POC5: variants seen among roughly 807,000 people sequenced by gnomAD.
POC5 encodes POC5 centriolar protein, also known as centrosomal protein POC5.
In POC5, 48 loss-of-function variants were observed where a neutral mutation model predicts 62.9. The observed-to-expected ratio is 0.76, with a 90% confidence interval of 0.61 to 0.97. The LOEUF is 0.97. Ranked by LOEUF, POC5 falls within the 50% of genes least tolerant of loss-of-function variation. The pLI is 0.00. For synonymous variants in POC5, 236 were observed against 228.2 expected, an observed-to-expected ratio of 1.03 and a Z score of -0.31; for missense variants, 696 against 679.5, an observed-to-expected ratio of 1.02 and a Z score of -0.27.
chr5:75,703,300 C>A (rs1011877602), intron 4 of POC5, among the ~76,000 whole-genome samples: 20 of 152,166 alleles, frequency 1.3e-4, no homozygotes, highest in Non-Finnish European at 2.6e-4. Context: ...GTCAATATTA[C>A]TCTGTAAGTT....
chr5:75,691,015 A>C (rs1324102582), intron 7 of POC5, among the ~76,000 whole-genome samples: 1 of 152,204 alleles, frequency 6.6e-6, no homozygotes, highest in Non-Finnish European at 1.5e-5. Flanking sequence ...GCAAGATTTA[A>C]TTTATAAACC....
chr5:75,689,230 T>C, intron 8 of POC5, 65 bp from the exon 9 acceptor site: 7 of 1,449,542 alleles, frequency 4.8e-6, no homozygotes, highest in African/African-American at 1.4e-5. Context: ...GTCAAAAAAA[T>C]AGATATATAC....
At chr5:75,696,734 G>A (rs1776612295) in intron 5 of POC5, among the ~76,000 whole-genome samples, 1 of 152,092 alleles carries the variant, frequency 6.6e-6, no homozygotes, top group Admixed American at 6.5e-5. Flanking sequence ...AGCTGAGAAG[G>A]CTTCAGACGA....
Position 75,694,847 on chromosome 5 carries a change from A to G in POC5, c.514-16T>C, listed in dbSNP as rs779352995. The G allele has an allele frequency of 6.8e-7, 1 of 1,474,756 alleles. No homozygotes were observed. Among genetic ancestry groups the G allele is most frequent in the Admixed American group, 2.1e-5 (1 of 47,708 alleles). 91.4% of individuals were successfully genotyped at this position (1,474,756 alleles called of 1,614,324 possible). A position where few individuals can be genotyped will look rare whatever the true frequency, so the allele number is the denominator to read the frequency against. ...TGATGTTTGTCTGAAAAATTAATAT[A>G]GTGACAATTAAGTAGTTTGTTCGTT... On this transcript the variant is annotated splice_polypyrimidine_tract_variant and intron_variant, in intron 5 of 11. Transcript: ENST00000428202.
At position 75,705,809 on chromosome 5, in the gene POC5, AAAATT is replaced by A. The variant is rs1187702894; in HGVS notation, c.224-27_224-23del. On this transcript the variant is annotated intron_variant, in intron 3 of 11. Coordinates refer to ENST00000428202, the MANE Select transcript of POC5 (RefSeq NM_001099271.2). ...TTTCCTGCCAAAAAGAAAGCTTTTT[AAAATT>A]AAACTGAACCACTCTTAAATAAAAT... The A allele has an allele frequency of 7.1e-6, 10 of 1,416,598 alleles. No homozygotes were observed. In the Admixed American group the frequency reaches 1.4e-4, roughly 19 times the overall value. 87.8% of individuals were successfully genotyped at this position (1,416,598 alleles called of 1,614,324 possible). A position where few individuals can be genotyped will look rare whatever the true frequency, so the allele number is the denominator to read the frequency against.
At chr5:75,687,476 T>C (rs1580009968) in intron 9 of POC5, among the ~76,000 whole-genome samples, 1 of 152,364 alleles carries the variant, frequency 6.6e-6, no homozygotes, top group African/African-American at 2.4e-5. Context: ...TTTTTGCCTT[T>C]GGTAGCTCTA....
chr5:75,712,905 TG>T lies in POC5; in HGVS notation c.32del (p.Pro11GlnfsTer29), dbSNP rs751976465. 1 of 1,612,602 alleles carries T rather than the reference TG, an allele frequency of 6.2e-7. No individual in the cohort carries two copies. The highest frequency in any genetic ancestry group is 8.5e-7 in the Non-Finnish European group (1 of 1,179,296). ...CTCGACTGGAGTCATTTTGCACAAC[TG>T]GAAGTGAGTATTTCTCCTCATCTGA... is the stretch of plus-strand genomic sequence containing the variant. MSSDEEKYSL[P>X]VVQNDSSRGS... On this transcript the variant is annotated frameshift_variant, in exon 2 of 12. Coordinates refer to ENST00000428202, the MANE Select transcript of POC5 (RefSeq NM_001099271.2). LOFTEE classifies it high-confidence loss of function.
At chr5:75,710,266 T>C (rs1777288612) in intron 2 of POC5, among the ~76,000 whole-genome samples, 1 of 152,196 alleles carries the variant, frequency 6.6e-6, no homozygotes, top group Non-Finnish European at 1.5e-5. Context: ...AGCACTATTA[T>C]ACTTCCCAAA....
intron 11 of POC5, among the ~76,000 whole-genome samples, chr5:75,676,222 A>G (rs1401130238): frequency 2.0e-5 from 3 of 152,234 alleles, no homozygotes; most frequent in Non-Finnish European, 4.4e-5. Context: ...TTACCTCACA[A>G]ATGGACAGTC....
intron 1 of POC5, among the ~76,000 whole-genome samples, chr5:75,716,393 G>T (rs1413806223): frequency 2.1e-5 from 2 of 94,000 alleles, no homozygotes; most frequent in Non-Finnish European, 4.2e-5. Context: ...TGGGGGGGGG[G>T]GGGTGCTGAT....
chr5:75,686,145 A>T (rs1776090531), intron 9 of POC5, among the ~76,000 whole-genome samples: 1 of 152,206 alleles, frequency 6.6e-6, no homozygotes, highest in South Asian at 2.1e-4. Flanking sequence ...CTCAAAACTG[A>T]ACCTTAATCT....
rs756722821 is a variant in POC5 at position 75,685,389 on chromosome 5, G to T, written c.1225C>A (p.Pro409Thr). Residue 409 changes from proline (P) to threonine (T), a missense_variant, in exon 10 of 12, where the codon CCC becomes ACC. Physicochemically the swap from Pro to Thr is conservative, Grantham distance 38. Transcript: ENST00000428202. ...AGCAGTGGTGATGTAACTGGTAAGG[G>T]CATCGGAGGAGCTGAAGGATCCAAA... ...AHLDPSAPPMPLPVTSPLLPS... is the reference protein window; with the variant it reads ...AHLDPSAPPMTLPVTSPLLPS... 5 of 1,614,018 alleles carry T rather than the reference G, an allele frequency of 3.1e-6. No individual in the cohort carries two copies. Among genetic ancestry groups the T allele is most frequent in the Middle Eastern group, 3.3e-4 (2 of 6,062 alleles).
Position 75,690,374 on chromosome 5 carries a change from GA to G in POC5, c.975+8del, listed in dbSNP as rs773434738. The G allele has an allele frequency of 6.3e-7, 1 of 1,593,708 alleles. No individual in the cohort carries two copies. The highest frequency in any genetic ancestry group is 8.5e-7 in the Non-Finnish European group (1 of 1,171,830). ...TAGAAGAAAGTGAAAACCAGAAAAA[GA>G]TGCTTACCATAGCAACTTTGGCTTC... On this transcript the variant is annotated splice_region_variant and intron_variant, in intron 8 of 11. Coordinates refer to ENST00000428202, the MANE Select transcript of POC5 (RefSeq NM_001099271.2).
Position 75,674,300 on chromosome 5 carries a change from GC to G in POC5, c.*134del. On this transcript the variant is annotated 3_prime_UTR_variant, in exon 12 of 12. Transcript: ENST00000428202. ...ACAAAGCATGGTAGAGCTTGAAAAA[GC>G]CTCTTGTAATTTTGAACAGATGAAC... 2 of 819,290 alleles carry G rather than the reference GC, an allele frequency of 2.4e-6. No homozygotes were observed. Among genetic ancestry groups the G allele is most frequent in the East Asian group, 2.7e-5 (1 of 37,468 alleles). 50.8% of individuals were successfully genotyped at this position (819,290 alleles called of 1,614,324 possible). A position where few individuals can be genotyped will look rare whatever the true frequency, so the allele number is the denominator to read the frequency against.
chr5:75,691,198 G>A (rs140966147), intron 7 of POC5, among the ~76,000 whole-genome samples: 63 of 152,186 alleles, frequency 4.1e-4, no homozygotes, highest in Admixed American at 1.5e-3. Flanking sequence ...AAATAAATAT[G>A]TATTCTCATT....
intron 8 of POC5, 48 bp downstream of exon 8, chr5:75,690,335 T>A: frequency 2.0e-6 from 3 of 1,490,840 alleles, no homozygotes; most frequent in Non-Finnish European, 2.7e-6. Context: ...AGTCTATCTA[T>A]CTTTTTATTG....
chr5:75,691,171 T>C (rs1776317933), intron 7 of POC5, among the ~76,000 whole-genome samples: 1 of 152,234 alleles, frequency 6.6e-6, no homozygotes. Flanking sequence ...GCCTCAACTA[T>C]TCTGGCTAAC....
intron 8 of POC5, chr5:75,689,723 C>A: frequency 1.1e-6 from 1 of 941,282 alleles, no homozygotes; most frequent in Non-Finnish European, 1.3e-6. Flanking sequence ...TTAATCTTAA[C>A]AATTTAATGC....
chr5:75,690,249 CAAG>C, intron 8 of POC5, 131 bp downstream of exon 8: 1 of 824,136 alleles, frequency 1.2e-6, no homozygotes, highest in Admixed American at 3.1e-5. Context: ...TAAATTAACA[CAAG>C]AATAAACGTT....
Sources: gnomAD v4.1 joint callset for allele counts (sites outside exome capture counted in the v4.1 genomes callset) on GRCh38, gnomAD v4.1.1 for gene constraint, MANE v1.5 for transcripts, NCBI Gene and HGNC (gene_info 2026-07-23, HGNC 2026-07-21) for gene names.